USP34: variants seen among roughly 807,000 people sequenced by gnomAD.
USP34 encodes ubiquitin carboxyl-terminal hydrolase 34.
In USP34, 70 loss-of-function variants were observed where a neutral mutation model predicts 460.3. The ratio of observed to expected loss-of-function variants is 0.15; its 90% CI spans 0.13 to 0.19. The LOEUF is 0.19. Among genes scored for constraint, USP34 ranks in the 10% least tolerant of loss-of-function variants. The pLI is 1.00. For missense variants in USP34, 3,985 were observed against 4,236.2 expected, an observed-to-expected ratio of 0.94 and a Z score of 1.65; for synonymous variants, 1,647 against 1,405.3, an observed-to-expected ratio of 1.17 and a Z score of -3.85.
At chr2:61,239,092 T>C (rs1688156228) in intron 53 of USP34, among the ~76,000 whole-genome samples, 1 of 152,052 alleles carries the variant, frequency 6.6e-6, no homozygotes. Flanking sequence ...ACTTAATACA[T>C]GTTGTGTGTG....
At chr2:61,269,813 A>G (rs944753584) in intron 41 of USP34, among the ~76,000 whole-genome samples, 1 of 152,032 alleles carries the variant, frequency 6.6e-6, no homozygotes, top group Non-Finnish European at 1.5e-5. Context: ...ATATATATTA[A>G]TGGAATATAT....
At chr2:61,188,875 C>G (rs759834130) in intron 79 of USP34, 35 bp downstream of exon 79, 23 of 1,611,416 alleles carry the variant, frequency 1.4e-5, no homozygotes, top group African/African-American at 2.7e-5. Flanking sequence ...CCTCCTCCCA[C>G]CCTAAAGGTA....
chr2:61,240,192 C>T (rs745358342), intron 53 of USP34, among the ~76,000 whole-genome samples: 1 of 152,114 alleles, frequency 6.6e-6, no homozygotes, highest in Non-Finnish European at 1.5e-5. Context: ...AACCAAAACA[C>T]ATTCAGTTAT....
At chr2:61,292,440 G>A (rs1689886893) in intron 33 of USP34, among the ~76,000 whole-genome samples, 1 of 152,162 alleles carries the variant, frequency 6.6e-6, no homozygotes, top group East Asian at 1.9e-4. Flanking sequence ...CTTCAGGAAA[G>A]TATTCATAAT....
chr2:61,403,864 G>A (rs1388219868), intron 3 of USP34, among the ~76,000 whole-genome samples: 3 of 151,732 alleles, frequency 2.0e-5, no homozygotes, highest in South Asian at 2.1e-4. Context: ...ATGGTGGCGG[G>A]CACCTGTACT....
chr2:61,371,756 C>T (rs751622059), intron 8 of USP34, among the ~76,000 whole-genome samples: 2 of 152,200 alleles, frequency 1.3e-5, no homozygotes, highest in Non-Finnish European at 2.9e-5. Context: ...AGAGCAACTT[C>T]CAGTCCTGCA....
intron 7 of USP34, among the ~76,000 whole-genome samples, chr2:61,379,035 A>C (rs1384646021): frequency 1.3e-5 from 2 of 152,060 alleles, no homozygotes; most frequent in East Asian, 3.8e-4. Context: ...AATTTAACGC[A>C]AGAGAGCAAG....
chr2:61,265,353 A>T, intron 43 of USP34, 44 bp downstream of exon 43: 1 of 1,564,412 alleles, frequency 6.4e-7, no homozygotes, highest in South Asian at 1.2e-5. Context: ...AAAATATTAA[A>T]ATCTGGTTTA....
chr2:61,318,676 T>C (rs548648364), intron 22 of USP34, among the ~76,000 whole-genome samples: 16 of 152,154 alleles, frequency 1.1e-4, no homozygotes, highest in South Asian at 8.3e-4. Context: ...AGAAGAAAAA[T>C]TGGAACATCT....
chr2:61,193,433 A>C (rs1286931884), intron 75 of USP34: 2 of 150,338 alleles, frequency 1.3e-5, no homozygotes, highest in Non-Finnish European at 2.9e-5. Context: ...TTCTTTCTTC[A>C]AAGATAGAAT....
At chr2:61,448,920 C>A (rs1280869974) in intron 1 of USP34, among the ~76,000 whole-genome samples, 4 of 152,116 alleles carry the variant, frequency 2.6e-5, no homozygotes, top group African/African-American at 9.7e-5. Flanking sequence ...TCTGGGAGGC[C>A]AAGGCAGGTG....
At chr2:61,304,659 G>A (rs920081440) in intron 27 of USP34, among the ~76,000 whole-genome samples, 1 of 152,166 alleles carries the variant, frequency 6.6e-6, no homozygotes, top group Non-Finnish European at 1.5e-5. Context: ...GAATCTGCTG[G>A]CACCTTGATC....
At chr2:61,388,382 T>C (rs1229776620) in intron 5 of USP34, among the ~76,000 whole-genome samples, 10 of 147,490 alleles carry the variant, frequency 6.8e-5, no homozygotes, top group Middle Eastern at 7.2e-3. Context: ...TACAACCACC[T>C]AAGGAAACCA....
intron 61 of USP34, 56 bp downstream of exon 61, chr2:61,228,589 G>A: frequency 2.0e-6 from 3 of 1,523,478 alleles, no homozygotes; most frequent in South Asian, 2.4e-5. Context: ...TTCGCACGAT[G>A]CAAACTATGA....
chr2:61,318,142 G>A (rs1233839200), intron 22 of USP34, among the ~76,000 whole-genome samples: 4 of 145,422 alleles, frequency 2.8e-5, no homozygotes, highest in East Asian at 2.0e-4. Context: ...ACAGTGAGAC[G>A]TGATCACACT....
intron 58 of USP34, among the ~76,000 whole-genome samples, chr2:61,230,214 A>G (rs368123997): frequency 6.6e-6 from 1 of 152,188 alleles, no homozygotes; most frequent in Non-Finnish European, 1.5e-5. Context: ...CAAGAATGTC[A>G]AACACTGCAG....
At position 61,256,875 on chromosome 2, in the gene USP34, A is replaced by C; in HGVS notation, c.6124T>G (p.Tyr2042Asp). The C allele has an allele frequency of 1.3e-6, 2 of 1,566,512 alleles. No individual in the cohort carries two copies. The highest frequency in any genetic ancestry group is 1.7e-6 in the Non-Finnish European group (2 of 1,161,670). The change falls in exon 47 of 80, where the codon TAT (tyrosine) becomes GAT (aspartate). Residue 2042 changes from tyrosine (Y) to aspartate (D), a missense_variant and splice_region_variant. This residue lies in a region of USP34 where 145 missense variants were observed against 291.6 expected (regional missense o/e 0.50). Transcript: ENST00000398571. Reference sequence around the variant, plus strand: ...AAATTATGTGCATTATTACTCACATAAATGTTCTTCATATCAGCCACTTGG... The same window carrying C: ...AAATTATGTGCATTATTACTCACATCAATGTTCTTCATATCAGCCACTTGG... The part of the protein sequence containing the change: ...RCQVADMKNI[Y>D]ESLDEVTIKD...
chr2:61,267,086 C>G (rs1689071917), intron 41 of USP34, among the ~76,000 whole-genome samples: 1 of 152,222 alleles, frequency 6.6e-6, no homozygotes, highest in Non-Finnish European at 1.5e-5. Flanking sequence ...CGTTGTCATG[C>G]TCACTGAACA....
In USP34 at chr2:61,395,785, CAAAAAAAAA is replaced by C. The variant is rs541139131; in HGVS notation, c.553-561_553-553del. On this transcript the variant is annotated intron_variant, in intron 3 of 79. Transcript: ENST00000398571. ...TGGGCGACAGAACGAGACTCCGTCT[CAAAAAAAAA>C]AAAAAAAAAAAAAAAAATCCCAGCA... is the stretch of plus-strand genomic sequence containing the variant. Among the ~76,000 whole-genome samples the C allele has an allele frequency of 2.0e-4, 6 of 29,330 alleles. 2 individuals are homozygous for C. The highest frequency in any genetic ancestry group is 8.6e-4 in the African/African-American group (6 of 6,980). The allele number at this position is 29,330 out of a possible 152,430, so 19.2% of individuals were successfully genotyped here. A position where few individuals can be genotyped will look rare whatever the true frequency, so the allele number is the denominator to read the frequency against.
Sources: gnomAD v4.1 joint callset for allele counts (sites outside exome capture counted in the v4.1 genomes callset) on GRCh38, gnomAD v4.1.1 for gene constraint, gnomAD v4.1.1 regional missense constraint, MANE v1.5 for transcripts, NCBI Gene and HGNC (gene_info 2026-07-23, HGNC 2026-07-21) for gene names.